LMBR1: variants seen among roughly 807,000 people sequenced by gnomAD.
LMBR1 encodes the protein limb development membrane protein 1.
LMBR1 carries 52 observed loss-of-function variants against 73.9 expected under a neutral mutation model. The observed-to-expected ratio is 0.70, with a 90% CI of 0.56 to 0.89. The LOEUF (loss-of-function observed/expected upper bound fraction) is 0.89, where lower values mean the gene tolerates loss of function less well. Among genes scored for constraint, LMBR1 ranks in the 40% least tolerant of loss-of-function variants. LMBR1 has a pLI of 0.00. For synonymous variants in LMBR1, 215 were observed against 209.4 expected, an observed-to-expected ratio of 1.03 and a Z score of -0.23; for missense variants, 539 against 579.8, an observed-to-expected ratio of 0.93 and a Z score of 0.72.
chr7:156,848,879 A>G (rs752767153), intron 1 of LMBR1, among the ~76,000 whole-genome samples: 1 of 150,896 alleles, frequency 6.6e-6, no homozygotes, highest in Non-Finnish European at 1.5e-5. Flanking sequence ...TGCAGTGAGC[A>G]GAGATCGTAC....
intron 1 of LMBR1, among the ~76,000 whole-genome samples, chr7:156,873,569 G>A (rs1426787894): frequency 1.3e-5 from 2 of 152,186 alleles, no homozygotes; most frequent in African/African-American, 2.4e-5. Context: ...TTTTGTCAGG[G>A]TGCTGATTGG....
intron 15 of LMBR1, among the ~76,000 whole-genome samples, chr7:156,703,024 G>A (rs779415948): frequency 6.6e-6 from 1 of 152,192 alleles, no homozygotes; most frequent in Non-Finnish European, 1.5e-5. Flanking sequence ...GTGTCCTTCT[G>A]GGGTCCACTT....
chr7:156,784,736 G>A (rs897821291), intron 5 of LMBR1, among the ~76,000 whole-genome samples: 5 of 152,184 alleles, frequency 3.3e-5, no homozygotes. Context: ...GTCTCTATTA[G>A]ATAAAATTCA....
chr7:156,807,783 G>C (rs1268275395), intron 4 of LMBR1, among the ~76,000 whole-genome samples: 1 of 152,066 alleles, frequency 6.6e-6, no homozygotes, highest in African/African-American at 2.4e-5. Context: ...AAACTTTTTA[G>C]ACACATCCCG....
At chr7:156,861,162 C>T (rs1173336431) in intron 1 of LMBR1, among the ~76,000 whole-genome samples, 1 of 152,256 alleles carries the variant, frequency 6.6e-6, no homozygotes, top group Non-Finnish European at 1.5e-5. Context: ...TCTGCCTGGG[C>T]ATCCATGCAT....
intron 15 of LMBR1, among the ~76,000 whole-genome samples, chr7:156,692,354 G>A (rs904236409): frequency 6.6e-6 from 1 of 152,216 alleles, no homozygotes; most frequent in African/African-American, 2.4e-5. Flanking sequence ...TGGGATTACA[G>A]GCGTGAGCCA....
chr7:156,885,973 G>C (rs1185180134), intron 1 of LMBR1, among the ~76,000 whole-genome samples: 1 of 151,586 alleles, frequency 6.6e-6, no homozygotes. Context: ...CCAGGAGGTA[G>C]AGGTTGCAGT....
chr7:156,837,227 C>T (rs1037296465), intron 1 of LMBR1, among the ~76,000 whole-genome samples: 3 of 150,994 alleles, frequency 2.0e-5, no homozygotes, highest in East Asian at 1.9e-4. Context: ...CCCAGCTACT[C>T]GAGATGCTGA....
rs894140745 is a variant in LMBR1 at position 156,681,032 on chromosome 7, A to G, written c.*3046T>C. On this transcript the variant is annotated 3_prime_UTR_variant, in exon 17 of 17. Coordinates refer to ENST00000353442, the MANE Select transcript of LMBR1 (RefSeq NM_022458.4). ...CCAAATGTTATTTTTAAAAGTTAAC[A>G]TTATACCAGTTTTTTCAAGTTTAAA... 2 of 386,074 alleles carry G rather than the reference A, an allele frequency of 5.2e-6. No homozygotes were observed. The highest frequency in any genetic ancestry group is 4.3e-5 in the African/African-American group (2 of 46,008). The allele number at this position is 386,074 out of a possible 1,614,324, so 23.9% of individuals were successfully genotyped here. A position where few individuals can be genotyped will look rare whatever the true frequency, so the allele number is the denominator to read the frequency against.
chr7:156,697,399 CT>C (rs1808537112), intron 15 of LMBR1, among the ~76,000 whole-genome samples: 1 of 152,274 alleles, frequency 6.6e-6, no homozygotes, highest in African/African-American at 2.4e-5. Flanking sequence ...GAGAACTGGT[CT>C]GACCACAAAT....
chr7:156,803,858 C>T (rs1327097565), intron 4 of LMBR1, among the ~76,000 whole-genome samples: 2 of 151,678 alleles, frequency 1.3e-5, no homozygotes, highest in Admixed American at 6.6e-5. Context: ...ATGGATGAAA[C>T]TGGAACCCAT....
At chr7:156,779,628 A>T in intron 5 of LMBR1, 1 of 1,153,766 alleles carries the variant, frequency 8.7e-7, no homozygotes, top group Non-Finnish European at 1.1e-6. Context: ...ATTCACATCA[A>T]TGAAGTGAAA....
Position 156,826,705 on chromosome 7 carries a change from C to A in LMBR1, c.219G>T (p.Gly73=), listed in dbSNP as rs373895591. The change falls in exon 4 of 17, where the codon GGG becomes GGT. Residue 73 remains glycine (G), a synonymous_variant. Coordinates refer to ENST00000353442, the MANE Select transcript of LMBR1 (RefSeq NM_022458.4). ...TTGAGAAGGGTAAAAGCAAAACAGC[C>A]CCAGCTGACACTGCGAGAGTGAACG... ...LSTFTLAVSA[G]AVLLLPFSII... 1 of 1,611,492 alleles carries A rather than the reference C, an allele frequency of 6.2e-7. No homozygotes were observed. The highest frequency in any genetic ancestry group is 8.5e-7 in the Non-Finnish European group (1 of 1,178,548).
intron 9 of LMBR1, among the ~76,000 whole-genome samples, chr7:156,736,936 C>T (rs1585464625): frequency 6.6e-6 from 1 of 152,174 alleles, no homozygotes; most frequent in African/African-American, 2.4e-5. Flanking sequence ...ATCAACTTCA[C>T]TCTCTTGAAG....
downstream of LMBR1, among the ~76,000 whole-genome samples, chr7:156,675,477 T>C (rs1457718464): frequency 6.6e-6 from 1 of 152,218 alleles, no homozygotes; most frequent in Non-Finnish European, 1.5e-5. Context: ...TGGGGTAGTG[T>C]GTTCTGGACT....
chr7:156,758,406 G>A (rs984660967), intron 8 of LMBR1, among the ~76,000 whole-genome samples: 7 of 152,196 alleles, frequency 4.6e-5, no homozygotes, highest in African/African-American at 1.7e-4. Flanking sequence ...TAGTGTGAAT[G>A]AGTGACTGAT....
At chr7:156,673,128 A>G (rs1279131100), downstream of LMBR1, among the ~76,000 whole-genome samples, 1 of 152,234 alleles carries the variant, frequency 6.6e-6, no homozygotes, top group Non-Finnish European at 1.5e-5. Flanking sequence ...GTCATTCCAA[A>G]TAGTACTTTT....
intron 5 of LMBR1, among the ~76,000 whole-genome samples, chr7:156,778,129 A>G (rs1427466210): frequency 1.3e-5 from 2 of 152,256 alleles, no homozygotes; most frequent in African/African-American, 4.8e-5. Context: ...TTTAGCCAAA[A>G]GAACTCTCTG....
intron 1 of LMBR1, among the ~76,000 whole-genome samples, chr7:156,879,419 C>CT (rs1251295300): frequency 5.9e-5 from 9 of 152,262 alleles, no homozygotes; most frequent in Non-Finnish European, 8.8e-5. Context: ...AATCCCAGCA[C>CT]TTTGGGAGGC....
Sources: allele counts gnomAD v4.1 joint callset (sites outside exome capture counted in the v4.1 genomes callset), GRCh38; gene constraint gnomAD v4.1.1; transcripts MANE v1.5; gene names NCBI Gene and HGNC (gene_info 2026-07-23, HGNC 2026-07-21).